Variants in ULK4 observed in about 807,000 individuals in gnomAD.
ULK4 encodes the protein inactive serine/threonine-protein kinase ULK4.
Under a neutral mutation model 160.6 loss-of-function variants are expected in ULK4, and 133 were observed. The ratio of observed to expected loss-of-function variants is 0.83; its 90% CI spans 0.72 to 0.96. The LOEUF (loss-of-function observed/expected upper bound fraction) is 0.96. Ranked by LOEUF, ULK4 falls within the 40% of genes least tolerant of loss-of-function variation. The pLI is 0.00. For missense variants in ULK4, 1,580 were observed against 1,499.5 expected, an observed-to-expected ratio of 1.05 and a Z score of -0.89; for synonymous variants, 534 against 539.8, an observed-to-expected ratio of 0.99 and a Z score of 0.15.
rs1226978161 is a variant in ULK4, at chr3:41,403,443, CTT to C, written c.3493-5181_3493-5180del. ...TGGTTGCAGATATACACTGACATCT[CTT>C]GTTTCATCCCTTATATTGATAATTT... is the stretch of plus-strand genomic sequence containing the variant. On this transcript the variant is annotated intron_variant, in intron 34 of 36. Transcript: ENST00000301831. Among the ~76,000 whole-genome samples the C allele has an allele frequency of 7.9e-5, 12 of 152,242 alleles. No homozygotes were observed. In the South Asian group the frequency reaches 8.3e-4, roughly 11 times the overall value.
chr3:41,819,443 T>A lies in ULK4; in HGVS notation c.1828A>T (p.Met610Leu), dbSNP rs200562060. ...CTTACCCCTTCCCGAAGGCACCTCA[T>A]TAGCACTGTGTATGCAGCCAAGGGA... ...AVPLAAYTVL[M>L]RCLREGEERV... is the part of the protein sequence containing the mutation. Residue 610 changes from methionine (M) to leucine (L), a missense_variant, in exon 19 of 37, where the codon ATG becomes TTG. By Grantham distance (15) the Met-to-Leu change is conservative (BLOSUM62 2). Transcript: ENST00000301831. 6.1e-5 allele frequency: 98 copies of A among 1,613,696 alleles called. No individual in the cohort carries two copies. Among genetic ancestry groups the A allele is most frequent in the Non-Finnish European group, 7.6e-6 (9 of 1,179,924 alleles).
At position 41,794,686 on chromosome 3, in the gene ULK4, A is replaced by AAAAAAAAAAAAAAAAAAAAC. The variant is rs1553654814; in HGVS notation, c.2011-4844_2011-4843insGTTTTTTTTTTTTTTTTTTT. On this transcript the variant is annotated intron_variant, in intron 20 of 36. Coordinates refer to ENST00000301831, the MANE Select transcript of ULK4 (RefSeq NM_017886.4). ...AAAAAAAAAAAAAAAAAAAAAAAAAACACAGAAAAAAAAACCACAAACCTG... is the reference window on the plus strand; with the variant it reads ...AAAAAAAAAAAAAAAAAAAAAAAAAAAAAAAAAAAAAAAAAAAAACCACAGAAAAAAAAACCACAAACCTG... Among the ~76,000 whole-genome samples the AAAAAAAAAAAAAAAAAAAAC allele has an allele frequency of 1.7e-4, 19 of 112,422 alleles. 1 individual carries two copies. The highest frequency in any genetic ancestry group is 7.0e-4 in the African/African-American group (17 of 24,160). 73.8% of individuals were successfully genotyped at this position (112,422 alleles called of 152,430 possible). A position where few individuals can be genotyped will look rare whatever the true frequency, so the allele number is the denominator to read the frequency against.
chr3:41,905,412 T>C (rs1429847898), intron 12 of ULK4, among the ~76,000 whole-genome samples: 2 of 152,178 alleles, frequency 1.3e-5, no homozygotes, highest in Non-Finnish European at 2.9e-5. Flanking sequence ...GAAACTTTTG[T>C]GAGCTGGGAG....
chr3:41,407,401 C>A (rs1056044615), intron 34 of ULK4, among the ~76,000 whole-genome samples: 1 of 152,132 alleles, frequency 6.6e-6, no homozygotes, highest in Admixed American at 6.6e-5. Context: ...AAAGATAGTA[C>A]AAAAAACAAC....
intron 21 of ULK4, among the ~76,000 whole-genome samples, chr3:41,775,171 T>C (rs968814527): frequency 1.5e-4 from 23 of 149,780 alleles, no homozygotes; most frequent in Admixed American, 1.5e-3. Context: ...TGTATACATA[T>C]GTAACAAACG....
chr3:41,671,676 C>T (rs1408604468), intron 29 of ULK4, among the ~76,000 whole-genome samples: 1 of 151,964 alleles, frequency 6.6e-6, no homozygotes, highest in Non-Finnish European at 1.5e-5. Context: ...GATTTTATAG[C>T]TAAGACATCA....
chr3:41,827,303 T>A (rs1251073926), intron 18 of ULK4, among the ~76,000 whole-genome samples: 2 of 151,064 alleles, frequency 1.3e-5, no homozygotes, highest in African/African-American at 4.9e-5. Context: ...AAGAAATAAC[T>A]AAGATCAGAG....
At chr3:41,757,515 CCAG>C (rs1347365929) in intron 21 of ULK4, among the ~76,000 whole-genome samples, 4 of 151,194 alleles carry the variant, frequency 2.6e-5, no homozygotes, top group Admixed American at 6.6e-5. Flanking sequence ...GCCTGTAGTC[CCAG>C]CTACTCCGGA....
chr3:41,365,704 G>A (rs574879899), intron 35 of ULK4, among the ~76,000 whole-genome samples: 59 of 152,140 alleles, frequency 3.9e-4, no homozygotes, highest in African/African-American at 1.4e-3. Context: ...GGAACCCAAG[G>A]CTGCCTAACC....
chr3:41,283,377 G>C (rs985833627), intron 35 of ULK4, among the ~76,000 whole-genome samples: 2 of 152,204 alleles, frequency 1.3e-5, no homozygotes, highest in African/African-American at 4.8e-5. Context: ...ATTCACAATA[G>C]AAAAGACTTA....
intron 20 of ULK4, 134 bp downstream of exon 20, chr3:41,799,998 T>C (rs2040408432): frequency 1.1e-6 from 1 of 914,830 alleles, no homozygotes; most frequent in South Asian, 3.5e-5. Flanking sequence ...GAAAATCAAA[T>C]TATTTCTCTC....
At chr3:41,409,989 T>C (rs1052487668) in intron 34 of ULK4, among the ~76,000 whole-genome samples, 1 of 151,322 alleles carries the variant, frequency 6.6e-6, no homozygotes, top group Non-Finnish European at 1.5e-5. Context: ...AAAACCACCA[T>C]GAGATATCAG....
intron 29 of ULK4, among the ~76,000 whole-genome samples, chr3:41,667,439 T>C (rs920231839): frequency 1.3e-5 from 2 of 152,234 alleles, no homozygotes; most frequent in Admixed American, 1.3e-4. Flanking sequence ...CAGCAAGATC[T>C]AGCCAAAAGT....
chr3:41,728,312 T>C (rs1009513766), intron 22 of ULK4, among the ~76,000 whole-genome samples: 2 of 152,190 alleles, frequency 1.3e-5, no homozygotes, highest in African/African-American at 4.8e-5. Flanking sequence ...CAGCTGCATC[T>C]GGCAAGGATC....
At chr3:41,370,510 A>G (rs761573402) in intron 35 of ULK4, among the ~76,000 whole-genome samples, 55 of 152,326 alleles carry the variant, frequency 3.6e-4, no homozygotes, top group Non-Finnish European at 6.2e-4. Flanking sequence ...CACGGAGCAC[A>G]AGCCAAAGCA....
chr3:41,407,497 A>G (rs955052413), intron 34 of ULK4, among the ~76,000 whole-genome samples: 5 of 152,190 alleles, frequency 3.3e-5, no homozygotes, highest in African/African-American at 1.2e-4. Context: ...AGCAAACCAA[A>G]TCAGCAATAT....
At chr3:41,715,850 T>A (rs969591590) in intron 23 of ULK4, among the ~76,000 whole-genome samples, 2 of 76,158 alleles carry the variant, frequency 2.6e-5, no homozygotes, top group Non-Finnish European at 4.4e-5. Context: ...AGCTTTAGAA[T>A]TTTTTTTTTG....
intron 33 of ULK4, among the ~76,000 whole-genome samples, chr3:41,461,530 T>C (rs911173826): frequency 3.9e-5 from 6 of 152,108 alleles, no homozygotes; most frequent in Admixed American, 2.0e-4. Context: ...ATGGCAGATA[T>C]TATGAGGGAT....
chr3:41,616,732 C>T (rs991368182), intron 30 of ULK4, among the ~76,000 whole-genome samples: 2 of 152,146 alleles, frequency 1.3e-5, no homozygotes, highest in African/African-American at 2.4e-5. Flanking sequence ...CTAGCAGTAG[C>T]GGCAGGAGTG....
Sources: gnomAD v4.1 joint callset for allele counts (sites outside exome capture counted in the v4.1 genomes callset) on GRCh38, gnomAD v4.1.1 for gene constraint, MANE v1.5 for transcripts, NCBI Gene and HGNC (gene_info 2026-07-23, HGNC 2026-07-21) for gene names.